FHOD3: variants seen among roughly 807,000 people sequenced by gnomAD.
FHOD3 encodes FH1/FH2 domain-containing protein 3.
Under a neutral mutation model 173.0 loss-of-function variants are expected in FHOD3, and 90 were observed. The observed-to-expected ratio is 0.52, with a 90% CI of 0.44 to 0.62. The LOEUF is 0.62. Among genes scored for constraint, FHOD3 ranks in the 20% least tolerant of loss-of-function variants. FHOD3 has a pLI of 0.00. For missense variants in FHOD3, 1,945 were observed against 2,034.7 expected, an observed-to-expected ratio of 0.96 and a Z score of 0.85; for synonymous variants, 828 against 823.0, an observed-to-expected ratio of 1.01 and a Z score of -0.10.
At chr18:36,603,033 G>A (rs1473480675) in intron 8 of FHOD3, among the ~76,000 whole-genome samples, 2 of 149,514 alleles carry the variant, frequency 1.3e-5, no homozygotes, top group Admixed American at 6.6e-5. Flanking sequence ...GCCAGGGAAC[G>A]CCACAGATTG....
chr18:36,559,103 A>G (rs2057998734), intron 5 of FHOD3, among the ~76,000 whole-genome samples: 1 of 152,136 alleles, frequency 6.6e-6, no homozygotes, highest in Admixed American at 6.5e-5. Flanking sequence ...TTCTCCTTAG[A>G]CCACTGTCAA....
intron 19 of FHOD3, among the ~76,000 whole-genome samples, chr18:36,729,295 C>T (rs917549435): frequency 6.6e-6 from 1 of 152,326 alleles, no homozygotes; most frequent in Non-Finnish European, 1.5e-5. Context: ...GAGCAGGGAG[C>T]TTGTGGAGCC....
intron 3 of FHOD3, among the ~76,000 whole-genome samples, chr18:36,443,444 T>C (rs879680354): frequency 1.1e-4 from 17 of 152,240 alleles, no homozygotes; most frequent in Non-Finnish European, 1.2e-4. Context: ...GCTCAAATTG[T>C]TCCAGATTTG....
chr18:36,643,091 A>G (rs1178661063), intron 10 of FHOD3, among the ~76,000 whole-genome samples: 2 of 151,546 alleles, frequency 1.3e-5, no homozygotes, highest in African/African-American at 2.4e-5. Flanking sequence ...GGCAATATGG[A>G]TTTTCACTGC....
chr18:36,468,496 C>A (rs542149182), intron 3 of FHOD3, among the ~76,000 whole-genome samples: 1 of 152,048 alleles, frequency 6.6e-6, no homozygotes, highest in African/African-American at 2.4e-5. Context: ...CTGCCGTGGG[C>A]GAGGGAGCTG....
intron 1 of FHOD3, among the ~76,000 whole-genome samples, chr18:36,348,872 G>A (rs1039841968): frequency 1.3e-5 from 2 of 152,126 alleles, no homozygotes; most frequent in Admixed American, 6.5e-5. Flanking sequence ...TGCATTCAGC[G>A]GGCAACTCGA....
At chr18:36,566,318 T>C (rs937987579) in intron 5 of FHOD3, among the ~76,000 whole-genome samples, 1 of 152,244 alleles carries the variant, frequency 6.6e-6, no homozygotes, top group East Asian at 1.9e-4. Flanking sequence ...TTTTAAACAT[T>C]TTTAAAAAAT....
chr18:36,755,396 G>C (rs2042584018), intron 25 of FHOD3, 85 bp downstream of exon 25: 2 of 268,602 alleles, frequency 7.4e-6, no homozygotes, highest in South Asian at 1.7e-4. Flanking sequence ...TAAAAGCTGT[G>C]CTTTTTTTTT....
Position 36,779,519 on chromosome 18 carries a change from T to G in FHOD3, c.4858T>G (p.Leu1620Val). 1 of 1,614,078 alleles carries G rather than the reference T, an allele frequency of 6.2e-7. No homozygotes were observed. The highest frequency in any genetic ancestry group is 8.5e-7 in the Non-Finnish European group (1 of 1,179,996). Residue 1620 changes from leucine (L) to valine (V), a missense_variant, in exon 29 of 29, where the codon TTG (leucine) becomes GTG (valine). Physicochemically the swap from Leu to Val is conservative, Grantham distance 32 (BLOSUM62 1). This residue lies in a region of FHOD3 where 354 missense variants were observed against 359.9 expected (regional missense o/e 0.98). Transcript: ENST00000590592. ...CCTGGGCTTGGTTGGCACCTCGGAG[T>G]TGCAGCTGTGACACTCATAGGTTAC... ...RALGLVGTSELQL is the reference protein window; with the variant it reads ...RALGLVGTSEVQL
At chr18:36,697,882 G>A (rs569164815) in intron 17 of FHOD3, among the ~76,000 whole-genome samples, 22 of 152,272 alleles carry the variant, frequency 1.4e-4, no homozygotes, top group South Asian at 2.1e-4. Context: ...CATTGTTAGC[G>A]TTGACTGTCT....
chr18:36,779,207 G>T, intron 28 of FHOD3: 1 of 551,408 alleles, frequency 1.8e-6, no homozygotes, highest in South Asian at 2.5e-5. Flanking sequence ...ACTCCTCTCG[G>T]CCCTCCAAAT....
chr18:36,568,765 C>T (rs548981612), intron 5 of FHOD3, among the ~76,000 whole-genome samples: 1 of 152,240 alleles, frequency 6.6e-6, no homozygotes, highest in African/African-American at 2.4e-5. Flanking sequence ...TTAAACAAAA[C>T]CCAGAGTTTC....
At chr18:36,732,159 C>T (rs573217174) in intron 20 of FHOD3, among the ~76,000 whole-genome samples, 2 of 152,204 alleles carry the variant, frequency 1.3e-5, no homozygotes, top group South Asian at 4.2e-4. Flanking sequence ...TTTTAAAAGC[C>T]AAAGAATACC....
chr18:36,709,448 G>T (rs1033546989), intron 18 of FHOD3, 57 bp downstream of exon 18: 3 of 1,548,916 alleles, frequency 1.9e-6, no homozygotes, highest in Admixed American at 1.8e-5. Flanking sequence ...GGGTGCAGGG[G>T]CTGGTTCTCT....
intron 1 of FHOD3, among the ~76,000 whole-genome samples, chr18:36,336,398 C>G (rs958251144): frequency 1.3e-5 from 2 of 152,162 alleles, no homozygotes; most frequent in African/African-American, 2.4e-5. Context: ...TGTAGAGTAT[C>G]TCTAGATCCC....
At chr18:36,655,769 ACAC>A (rs2036386887) in intron 13 of FHOD3, among the ~76,000 whole-genome samples, 1 of 143,026 alleles carries the variant, frequency 7.0e-6, no homozygotes, top group African/African-American at 2.6e-5. Context: ...ACACACACAC[ACAC>A]AAAAATGCTG....
At chr18:36,730,874 A>G (rs2041322444) in intron 20 of FHOD3, 70 bp downstream of exon 20, 2 of 1,468,154 alleles carry the variant, frequency 1.4e-6, no homozygotes, top group South Asian at 1.3e-5. Context: ...CTGCATGTCC[A>G]CATTTCAAAA....
At chr18:36,744,544 A>AAG (rs1301211453) in intron 23 of FHOD3, among the ~76,000 whole-genome samples, 20 of 152,210 alleles carry the variant, frequency 1.3e-4, no homozygotes, top group Non-Finnish European at 2.8e-4. Flanking sequence ...CCATGTCAAA[A>AAG]AGATGCAATT....
At chr18:36,321,058 T>C (rs1252243827) in intron 1 of FHOD3, among the ~76,000 whole-genome samples, 1 of 141,310 alleles carries the variant, frequency 7.1e-6, no homozygotes, top group Non-Finnish European at 1.5e-5. Context: ...CTTCCACCTC[T>C]TCTCGAGATT....
Sources: allele counts gnomAD v4.1 joint callset (sites outside exome capture counted in the v4.1 genomes callset), GRCh38; gene constraint gnomAD v4.1.1; regional missense constraint gnomAD v4.1.1; transcripts MANE v1.5; gene names NCBI Gene and HGNC (gene_info 2026-07-23, HGNC 2026-07-21).